DLG2: variants seen among roughly 807,000 people sequenced by gnomAD.
DLG2 encodes the protein disks large homolog 2.
In DLG2, 45 loss-of-function variants were observed where a neutral mutation model predicts 132.5. The observed-to-expected ratio is 0.34, with a 90% confidence interval of 0.27 to 0.44. The LOEUF (loss-of-function observed/expected upper bound fraction) is 0.44. Among genes scored for constraint, DLG2 ranks in the 20% least tolerant of loss-of-function variants. The probability of loss-of-function intolerance (pLI) is 1.00; values close to 1 mark genes in which losing one functional copy is unlikely to be tolerated. For synonymous variants in DLG2, 424 were observed against 419.6 expected, an observed-to-expected ratio of 1.01 and a Z score of -0.13; for missense variants, 1,045 against 1,196.9, an observed-to-expected ratio of 0.87 and a Z score of 1.87.
chr11:84,058,172 G>C (rs2096534401), intron 11 of DLG2, among the ~76,000 whole-genome samples: 1 of 152,042 alleles, frequency 6.6e-6, no homozygotes, highest in Non-Finnish European at 1.5e-5. Flanking sequence ...TATAGCATTA[G>C]AGATTAAATA....
intron 7 of DLG2, among the ~76,000 whole-genome samples, chr11:84,408,899 T>C (rs1233642011): frequency 1.3e-5 from 2 of 152,196 alleles, no homozygotes; most frequent in Non-Finnish European, 2.9e-5. Context: ...AGGCCCTTGC[T>C]CATCTTGCAT....
At chr11:83,641,879 GTGTGTGTGTGTGTA>G (rs2066637996) in intron 18 of DLG2, among the ~76,000 whole-genome samples, 1 of 151,726 alleles carries the variant, frequency 6.6e-6, no homozygotes, top group Admixed American at 6.6e-5. Flanking sequence ...GTGTGTGTGT[GTGTGTGTGTGTGTA>G]TGTGTGTTTG....
At chr11:83,835,212 A>G (rs1462106489) in intron 16 of DLG2, among the ~76,000 whole-genome samples, 1 of 152,246 alleles carries the variant, frequency 6.6e-6, no homozygotes, top group East Asian at 1.9e-4. Flanking sequence ...TCAGGTGCTC[A>G]GAATGTTTGC....
At position 85,094,954 on chromosome 11, in the gene DLG2, C is replaced by T. The variant is rs193291277; in HGVS notation, c.357+16707G>A. The stretch of plus-strand genomic sequence containing the variant: ...AGTGTGACTCTTCTTTTCACTTGAA[C>T]ACTTAGAGGCCATTGTAAGGTTATT... On this transcript the variant is annotated intron_variant, in intron 6 of 27. Coordinates refer to ENST00000376104, the MANE Select transcript of DLG2 (RefSeq NM_001142699.3). 2.4e-3 allele frequency among the ~76,000 whole-genome samples: 370 copies of T among 152,268 alleles called. 3 individuals carry two copies. The highest frequency in any genetic ancestry group is 4.7e-3 in the Non-Finnish European group (319 of 68,036).
At position 83,874,482 on chromosome 11, in the gene DLG2, G is replaced by A. The variant is rs1036333295; in HGVS notation, c.1503C>T (p.Ser501=). Reference sequence around the variant, plus strand: ...GCTGACGAGTTGCGGTGCTATGTTGGGAATGACTGCAAGAAAAGACAGAAG... The same window carrying A: ...GCTGACGAGTTGCGGTGCTATGTTGAGAATGACTGCAAGAAAAGACAGAAG... ...LLPDSEMTSH[S]QHSTATRQPS... The change falls in exon 16 of 28, where the codon TCC becomes TCT. Residue 501 remains serine, a synonymous_variant. Transcript: ENST00000376104. The A allele has an allele frequency of 6.3e-7, 1 of 1,594,778 alleles. No individual in the cohort carries two copies. The highest frequency in any genetic ancestry group is 8.6e-7 in the Non-Finnish European group (1 of 1,168,632).
rs181208201 is a variant in DLG2, at chr11:84,384,888, T to C, written c.520-133597A>G. Reference sequence around the variant, plus strand: ...CACAAGACTTCACAACAGGAGTTCATGATACATTCAAAGGCAACTTTAACT... The same window carrying C: ...CACAAGACTTCACAACAGGAGTTCACGATACATTCAAAGGCAACTTTAACT... On this transcript the variant is annotated intron_variant, in intron 7 of 27. Transcript: ENST00000376104. 1.3e-3 allele frequency among the ~76,000 whole-genome samples: 205 copies of C among 152,232 alleles called. 1 individual carries two copies. Among genetic ancestry groups the C allele is most frequent in the African/African-American group, 4.5e-3 (187 of 41,560 alleles).
chr11:85,388,946 T>C (rs1233006179), intron 3 of DLG2, among the ~76,000 whole-genome samples: 2 of 152,100 alleles, frequency 1.3e-5, no homozygotes, highest in Non-Finnish European at 1.5e-5. Context: ...CAAGGTTCTC[T>C]AATGCCCCCA....
chr11:84,503,113 T>C (rs965589874), intron 7 of DLG2, among the ~76,000 whole-genome samples: 2 of 152,218 alleles, frequency 1.3e-5, no homozygotes, highest in Admixed American at 1.3e-4. Flanking sequence ...GTTAGTGGTA[T>C]AGAACAGAGG....
intron 7 of DLG2, among the ~76,000 whole-genome samples, chr11:84,280,240 T>G (rs2097839994): frequency 6.6e-6 from 1 of 151,936 alleles, no homozygotes; most frequent in Admixed American, 6.6e-5. Flanking sequence ...TTCATAGAAA[T>G]TAAAATAAAA....
In DLG2 at chr11:84,003,874, C is replaced by T. The variant is rs146204589; in HGVS notation, c.920-23232G>A. On this transcript the variant is annotated intron_variant, in intron 11 of 27. Transcript: ENST00000376104. The stretch of plus-strand genomic sequence containing the variant: ...TGGATAAATTCCTGGAAACATACAA[C>T]CTTCCAAGGTTTAGTCAGGAAGATA... 7.0e-3 allele frequency among the ~76,000 whole-genome samples: 1,068 copies of T among 152,172 alleles called. 45 individuals are homozygous for T. Among genetic ancestry groups the T allele is most frequent in the Non-Finnish European group, 1.2e-3 (82 of 67,984 alleles).
intron 3 of DLG2, among the ~76,000 whole-genome samples, chr11:85,543,838 GT>G (rs58853802): frequency 0.21 from 31,629 of 148,844 alleles, 3,791 homozygotes; most frequent in African/African-American, 0.33. Context: ...GGGGTTGTTT[GT>G]TTTTTTTTCT....
chr11:84,192,604 C>T (rs2096433717), intron 8 of DLG2, among the ~76,000 whole-genome samples: 1 of 152,092 alleles, frequency 6.6e-6, no homozygotes, highest in African/African-American at 2.4e-5. Flanking sequence ...GTGGCAGGCG[C>T]CTGTAGTCCC....
intron 6 of DLG2, among the ~76,000 whole-genome samples, chr11:85,067,778 G>A (rs1240632298): frequency 6.6e-6 from 1 of 151,970 alleles, no homozygotes; most frequent in Non-Finnish European, 1.5e-5. Flanking sequence ...AGAAAAAGAG[G>A]GAATCCTCCC....
At chr11:84,859,868 A>G (rs1486822115) in intron 6 of DLG2, among the ~76,000 whole-genome samples, 2 of 152,130 alleles carry the variant, frequency 1.3e-5, no homozygotes, top group African/African-American at 2.4e-5. Flanking sequence ...TTCCTCTTAG[A>G]AAGTGCAAAC....
At chr11:83,872,158 G>A (rs1483417711) in intron 16 of DLG2, among the ~76,000 whole-genome samples, 4 of 152,192 alleles carry the variant, frequency 2.6e-5, no homozygotes, top group Admixed American at 6.5e-5. Context: ...AGCTATTCGG[G>A]AGGCTGAGGC....
chr11:84,440,931 G>T (rs1468955622), intron 7 of DLG2, among the ~76,000 whole-genome samples: 1 of 152,036 alleles, frequency 6.6e-6, no homozygotes, highest in Non-Finnish European at 1.5e-5. Flanking sequence ...TAAAAACAGA[G>T]CCAAAATTCA....
chr11:85,446,790 T>G (rs2092028688), intron 3 of DLG2, among the ~76,000 whole-genome samples: 1 of 145,614 alleles, frequency 6.9e-6, no homozygotes. Flanking sequence ...AGGGATATAG[T>G]ATATGTGTGT....
intron 4 of DLG2, among the ~76,000 whole-genome samples, chr11:85,187,247 C>T (rs938389452): frequency 3.3e-5 from 5 of 151,688 alleles, no homozygotes; most frequent in African/African-American, 4.8e-5. Context: ...AAAAATAAAC[C>T]GAAGAAAAAC....
chr11:83,846,108 T>C (rs2058561543), intron 16 of DLG2, among the ~76,000 whole-genome samples: 3 of 152,212 alleles, frequency 2.0e-5, no homozygotes, highest in Admixed American at 2.0e-4. Flanking sequence ...TTAAGTCATA[T>C]AGAATGTACA....
Sources: allele counts gnomAD v4.1 joint callset (sites outside exome capture counted in the v4.1 genomes callset), GRCh38; gene constraint gnomAD v4.1.1; transcripts MANE v1.5; gene names NCBI Gene and HGNC (gene_info 2026-07-23, HGNC 2026-07-21).